ADRA1B: variants seen among roughly 807,000 people sequenced by gnomAD.
ADRA1B encodes the protein adrenoceptor alpha 1B.
Under a neutral mutation model 17.9 loss-of-function variants are expected in ADRA1B, and 17 were observed. The observed-to-expected ratio is 0.95, with a 90% CI of 0.65 to 1.42. ADRA1B has a LOEUF of 1.42. ADRA1B is among the 40% of genes most tolerant of loss of function. The probability of loss-of-function intolerance (pLI) is 0.00; values close to 1 mark genes in which losing one functional copy is unlikely to be tolerated. For synonymous variants in ADRA1B, 366 were observed against 327.6 expected, an observed-to-expected ratio of 1.12 and a Z score of -1.27; for missense variants, 681 against 722.1, an observed-to-expected ratio of 0.94 and a Z score of 0.65.
chr5:159,911,328 G>C (rs1754225443), intron 1 of ADRA1B, among the ~76,000 whole-genome samples: 1 of 152,186 alleles, frequency 6.6e-6, no homozygotes, highest in Admixed American at 6.5e-5. Flanking sequence ...CACCAGAATA[G>C]CACGAAGGCA....
At chr5:159,948,462 A>G in intron 1 of ADRA1B, 1 of 984,676 alleles carries the variant, frequency 1.0e-6, no homozygotes, top group Non-Finnish European at 1.2e-6. Flanking sequence ...TGTTTTCAAA[A>G]AGTAACTTTT....
chr5:159,866,524 T>C (rs1181735742), intron 1 of ADRA1B, among the ~76,000 whole-genome samples: 1 of 148,906 alleles, frequency 6.7e-6, no homozygotes, highest in Non-Finnish European at 1.5e-5. Flanking sequence ...GAGGCGGAGG[T>C]TGGGGTGAGC....
upstream of ADRA1B, among the ~76,000 whole-genome samples, chr5:159,915,284 A>G (rs1005870134): frequency 3.3e-5 from 5 of 152,186 alleles, no homozygotes; most frequent in African/African-American, 1.2e-4. Flanking sequence ...GCGAACAGCT[A>G]AACTTCCCCA....
intron 1 of ADRA1B, among the ~76,000 whole-genome samples, chr5:159,920,371 A>G (rs1754446042): frequency 6.6e-6 from 1 of 151,212 alleles, no homozygotes; most frequent in East Asian, 1.9e-4. Context: ...TACTCACATT[A>G]CCCCCATCGT....
chr5:159,887,721 A>G, intron 1 of ADRA1B, among the ~76,000 whole-genome samples: 1 of 152,196 alleles, frequency 6.6e-6, no homozygotes, highest in East Asian at 1.9e-4. Context: ...AGCCACTTTG[A>G]GCTGGAAGTT....
the ADRA1B span, among the ~76,000 whole-genome samples, chr5:159,981,197 C>G: frequency 2.0e-5 from 3 of 152,172 alleles, no homozygotes; most frequent in Non-Finnish European, 4.4e-5. Flanking sequence ...TGAATCCCGG[C>G]ACTATTGAAA....
chr5:159,897,338 T>C (rs568329952), intron 1 of ADRA1B, among the ~76,000 whole-genome samples: 1 of 151,892 alleles, frequency 6.6e-6, no homozygotes, highest in Non-Finnish European at 1.5e-5. Flanking sequence ...ATACAAAAAT[T>C]AGCCGGGCGT....
the ADRA1B span, among the ~76,000 whole-genome samples, chr5:159,984,146 G>T: frequency 1.3e-5 from 2 of 151,982 alleles, no homozygotes; most frequent in African/African-American, 4.8e-5. Context: ...ATCTCTAAAT[G>T]TTGAGGTTTC....
intron 1 of ADRA1B, chr5:159,869,564 T>C (rs1753708568): frequency 6.6e-6 from 1 of 152,264 alleles, no homozygotes; most frequent in South Asian, 2.1e-4. Context: ...CTTAGAATAG[T>C]TGTAGAAGAC....
At chr5:159,915,821 C>T (rs190754208), upstream of ADRA1B, among the ~76,000 whole-genome samples, 5 of 152,332 alleles carry the variant, frequency 3.3e-5, no homozygotes, top group African/African-American at 1.2e-4. Context: ...ATTTAGTATA[C>T]TGTCTGTCTT....
chr5:159,965,619 C>A (rs1755761112), intron 1 of ADRA1B, among the ~76,000 whole-genome samples: 1 of 152,184 alleles, frequency 6.6e-6, no homozygotes, highest in Non-Finnish European at 1.5e-5. Flanking sequence ...CAGGCCAGTG[C>A]AGCAAACGGG....
chr5:159,923,621 G>A (rs1031056286), intron 1 of ADRA1B, among the ~76,000 whole-genome samples: 4 of 152,382 alleles, frequency 2.6e-5, no homozygotes, highest in East Asian at 1.9e-4. Context: ...TACATCATGC[G>A]AGGAACAATC....
intron 1 of ADRA1B, among the ~76,000 whole-genome samples, chr5:159,887,357 G>T (rs7736506): frequency 0.71 from 107,720 of 152,172 alleles, 39,921 homozygotes; most frequent in African/African-American, 0.88. Flanking sequence ...TTAATTTCAA[G>T]AGGGAATGTC....
the ADRA1B span, among the ~76,000 whole-genome samples, chr5:159,981,333 A>G: frequency 1.3e-5 from 2 of 152,044 alleles, no homozygotes; most frequent in African/African-American, 4.8e-5. Context: ...AGCTGTGACA[A>G]TCAAAATTGT....
At position 159,917,522 on chromosome 5, in the gene ADRA1B, TCTC is replaced by T. The variant is rs764385052; in HGVS notation, c.621_623del (p.Ser208del). On this transcript the variant is annotated inframe_deletion, in exon 1 of 2. Transcript: ENST00000306675. ...ACCGAAGAACCCTTCTATGCCCTCTTCTCCTCTCTGGGCTCCTTCTACATCCCT... is the reference window on the plus strand; with the variant it reads ...ACCGAAGAACCCTTCTATGCCCTCTTCTCTCTGGGCTCCTTCTACATCCCT... The T allele has an allele frequency of 4.3e-6, 7 of 1,613,958 alleles. No homozygotes were observed. The highest frequency in any genetic ancestry group is 5.9e-6 in the Non-Finnish European group (7 of 1,179,968).
At chr5:159,888,588 G>C (rs1180696518) in intron 1 of ADRA1B, 1 of 152,138 alleles carries the variant, frequency 6.6e-6, no homozygotes, top group Non-Finnish European at 1.5e-5. Context: ...GTTATACACT[G>C]CTGGAAATAG....
chr5:159,887,629 G>A (rs146653643), intron 1 of ADRA1B, among the ~76,000 whole-genome samples: 72 of 152,236 alleles, frequency 4.7e-4, no homozygotes, highest in Middle Eastern at 3.4e-3. Flanking sequence ...GCAATGCATC[G>A]GCATCATATT....
intron 1 of ADRA1B, among the ~76,000 whole-genome samples, chr5:159,939,322 T>TCAC (rs1755057170): frequency 9.3e-6 from 1 of 107,604 alleles, no homozygotes; most frequent in Non-Finnish European, 1.9e-5. Flanking sequence ...TGTGTGTGTG[T>TCAC]GCGCGCGCGC....
Position 159,897,245 on chromosome 5 carries a change from TG to T in ADRA1B, c.-255-18871del, listed in dbSNP as rs1203413118. ...GCTCACGCCTGTAATCCCAGCACTT[TG>T]GGAGGCTGAGGTGGGTGGATCATGA... On this transcript the variant is annotated intron_variant, in intron 1 of 2. Coordinates refer to the ADRA1B transcript ENST00000641205. 2.0e-5 allele frequency among the ~76,000 whole-genome samples: 3 copies of T among 152,260 alleles called. No individual in the cohort carries two copies. In the East Asian group the frequency reaches 5.8e-4, roughly 29 times the overall value.
Sources: allele counts gnomAD v4.1 joint callset (sites outside exome capture counted in the v4.1 genomes callset), GRCh38; gene constraint gnomAD v4.1.1; transcripts MANE v1.5; gene names NCBI Gene and HGNC (gene_info 2026-07-23, HGNC 2026-07-21).